The following CDC25B variants were observed in gnomAD, a reference collection of about 807,000 sequenced individuals.
CDC25B encodes the protein cell division cycle 25B, also known as M-phase inducer phosphatase 2.
CDC25B carries 33 observed loss-of-function variants against 69.8 expected under a neutral mutation model. The observed-to-expected ratio is 0.47, with a 90% CI of 0.36 to 0.63. The LOEUF (loss-of-function observed/expected upper bound fraction) is 0.63. Ranked by LOEUF, CDC25B falls within the 30% of genes least tolerant of loss-of-function variation. The pLI, the probability that CDC25B is intolerant of heterozygous loss-of-function variation, is 0.00. For synonymous variants in CDC25B, 341 were observed against 314.6 expected (o/e 1.08, Z -0.89); for missense variants, 727 against 809.1 (o/e 0.90, Z 1.23).
Position 3,803,120 on chromosome 20 carries a change from T to A in CDC25B, c.1270T>A (p.Leu424Met). The change falls in exon 13 of 16, where the codon TTG becomes ATG. Residue 424 changes from leucine to methionine, a missense_variant. Around this residue, in one of 2 missense-constraint regions of CDC25B, gnomAD observed 359 missense variants for 463.4 expected, o/e 0.77. Transcript: ENST00000245960. This position sits in a 1 kb window ranked among gnomAD's most constrained non-coding sequence, Gnocchi z 4.9. ...YISPETMVALLTGKFSNIVDK... is the reference protein window; with the variant it reads ...YISPETMVALMTGKFSNIVDK... The stretch of plus-strand genomic sequence containing the variant: ...TGACCTCCTACAGATGGTGGCCCTA[T>A]TGACGGGCAAGTTCAGCAACATCGT... 1.2e-6 allele frequency: 2 copies of A among 1,613,684 alleles called. No individual in the cohort carries two copies. The highest frequency in any genetic ancestry group is 1.7e-6 in the Non-Finnish European group (2 of 1,179,608).
chr20:3,802,457 G>C, intron 11 of CDC25B, 81 bp downstream of exon 11: 7 of 950,996 alleles, frequency 7.4e-6, no homozygotes, highest in Non-Finnish European at 1.2e-5. Context: ...GGCTGCTTGG[G>C]TTCCTCCCTT....
intron 2 of CDC25B, 94 bp from the exon 3 acceptor site, chr20:3,798,318 T>G (rs920538197): frequency 2.8e-5 from 6 of 214,402 alleles, no homozygotes; most frequent in East Asian, 1.6e-4. Flanking sequence ...AGAAACTGTT[T>G]TTTTTTTTTT....
At chr20:3,800,221 C>T (rs2089226441) in intron 3 of CDC25B, 67 bp from the exon 4 acceptor site, 26 of 1,504,796 alleles carry the variant, frequency 1.7e-5, no homozygotes, top group Non-Finnish European at 2.0e-5. Flanking sequence ...GGACTGGGGG[C>T]CTGGTGCTGG....
chr20:3,800,893 G>A, intron 6 of CDC25B, 28 bp downstream of exon 6: 1 of 1,613,130 alleles, frequency 6.2e-7, no homozygotes, highest in Non-Finnish European at 8.5e-7. Flanking sequence ...CGGGGTGGGA[G>A]CTCTCCGGGA....
chr20:3,799,662 G>T (rs981153004), intron 3 of CDC25B, among the ~76,000 whole-genome samples: 1 of 152,182 alleles, frequency 6.6e-6, no homozygotes, highest in Non-Finnish European at 1.5e-5. Context: ...GGAGGAGGGG[G>T]TGGGACAGAG....
Position 3,802,390 on chromosome 20 carries a change from C to A in CDC25B, c.1194+14C>A. On this transcript the variant is annotated intron_variant, in intron 11 of 15. Transcript: ENST00000245960. ...GATTACTCTAAGGTACCTGCAGCAG[C>A]GAAGGGGGTACCTTGGGGGCTTGAC... The A allele has an allele frequency of 6.3e-7, 1 of 1,580,378 alleles. No individual in the cohort carries two copies.
chr20:3,802,175 G>C, intron 10 of CDC25B, 75 bp downstream of exon 10: 2 of 1,546,746 alleles, frequency 1.3e-6, no homozygotes, highest in Non-Finnish European at 1.8e-6. Flanking sequence ...TTGTGGCAGA[G>C]GGCAGGTGGC....
intron 1 of CDC25B, among the ~76,000 whole-genome samples, chr20:3,797,003 G>C (rs1282994841): frequency 2.0e-5 from 3 of 152,084 alleles, no homozygotes; most frequent in Non-Finnish European, 2.9e-5. Flanking sequence ...CTCCCTCATT[G>C]TGCCTCCACC....
At chr20:3,795,947 A>G, upstream of CDC25B, 1 of 986,894 alleles carries the variant, frequency 1.0e-6, no homozygotes, top group Non-Finnish European at 1.2e-6. Flanking sequence ...TCCGGGAGCC[A>G]GTTGGAGCCT....
At position 3,803,664 on chromosome 20, in the gene CDC25B, C is replaced by A; in HGVS notation, c.1490+127C>A. On this transcript the variant is annotated intron_variant, in intron 14 of 15. Transcript: ENST00000245960. The surrounding 1 kb of genome is among the most constrained non-coding windows in gnomAD (Gnocchi z 4.9). ...GGTCCTCCTCTGTCCCATCTGATGG[C>A]CTAGAGCTGACCTCAGCCCCACTTC... 8.4e-7 allele frequency: 1 copy of A among 1,195,500 alleles called. No individual in the cohort carries two copies. The highest frequency in any genetic ancestry group is 1.2e-6 in the Non-Finnish European group (1 of 844,314). The allele number at this position is 1,195,500 out of a possible 1,614,324, so 74.1% of individuals were successfully genotyped here.
intron 2 of CDC25B, 39 bp downstream of exon 2, chr20:3,797,788 A>G (rs774200913): frequency 6.2e-6 from 10 of 1,609,388 alleles, no homozygotes; most frequent in African/African-American, 2.7e-5. Flanking sequence ...TGCCTGTGTC[A>G]GGAGAGTTTG....
chr20:3,805,669 A>G lies in CDC25B; in HGVS notation c.*708A>G, dbSNP rs1600412384. ...TTTTGTTGCCCCAGAAAGGGATGTT[A>G]TTATCCTTGGGGGCTCCCAGGGCAA... On this transcript the variant is annotated 3_prime_UTR_variant, in exon 16 of 16. Transcript: ENST00000245960. 2 of 401,500 alleles carry G rather than the reference A, an allele frequency of 5.0e-6. No homozygotes were observed. Among genetic ancestry groups the G allele is most frequent in the Admixed American group, 4.4e-5 (1 of 22,736 alleles). The allele number at this position is 401,500 out of a possible 1,614,324, so 24.9% of individuals were successfully genotyped here. A position where few individuals can be genotyped will look rare whatever the true frequency, so the allele number is the denominator to read the frequency against.
Position 3,805,113 on chromosome 20 carries a change from A to G in CDC25B, c.*152A>G. 1 of 750,356 alleles carries G rather than the reference A, an allele frequency of 1.3e-6. No homozygotes were observed. 46.5% of individuals were successfully genotyped at this position (750,356 alleles called of 1,614,324 possible). On this transcript the variant is annotated 3_prime_UTR_variant, in exon 16 of 16. Coordinates refer to ENST00000245960, the MANE Select transcript of CDC25B (RefSeq NM_021873.4). ...GTCCTGCCTGTCTGCCCCAGCCCAG[A>G]TTCCCCTGTGTCATCCCATCATTTT...
chr20:3,800,993 C>T lies in CDC25B; in HGVS notation c.605C>T (p.Pro202Leu). The T allele has an allele frequency of 1.2e-6, 2 of 1,614,034 alleles. No homozygotes were observed. Among genetic ancestry groups the T allele is most frequent in the Non-Finnish European group, 1.7e-6 (2 of 1,179,906 alleles). ...KENDGFVFKM[P>L]WKPTHPSSTH... ...CAGGATGGATTTGTCTTCAAGATGCCATGGAAGCCCACACATCCCAGCTCC... is the reference window on the plus strand; with the variant it reads ...CAGGATGGATTTGTCTTCAAGATGCTATGGAAGCCCACACATCCCAGCTCC... The change falls in exon 7 of 16, where the codon CCA becomes CTA. Residue 202 changes from proline to leucine, a missense_variant. Pro to Leu is a moderately conservative substitution (Grantham distance 98). This residue lies in a region of CDC25B where 368 missense variants were observed against 345.6 expected (regional missense o/e 1.06). Transcript: ENST00000245960.
At chr20:3,801,157 G>A (rs1347404130) in intron 7 of CDC25B, 64 bp downstream of exon 7, 2 of 1,606,920 alleles carry the variant, frequency 1.2e-6, no homozygotes, top group East Asian at 4.5e-5. Flanking sequence ...AGAGGAGGGT[G>A]GCCCTGAACC....
At position 3,804,681 on chromosome 20, in the gene CDC25B, G is replaced by A. The variant is rs2089412793; in HGVS notation, c.1602+1G>A. ...CAAGGAGTTCTTCCCTCAGCACCCGGTAGCGTGGGTGGGGAAGGCCACAGT... is the reference window on the plus strand; with the variant it reads ...CAAGGAGTTCTTCCCTCAGCACCCGATAGCGTGGGTGGGGAAGGCCACAGT... On this transcript the variant is annotated splice_donor_variant, in intron 15 of 15. Coordinates refer to ENST00000245960, the MANE Select transcript of CDC25B (RefSeq NM_021873.4). LOFTEE classifies it high-confidence loss of function. 1 of 1,590,878 alleles carries A rather than the reference G, an allele frequency of 6.3e-7. No individual in the cohort carries two copies. Among genetic ancestry groups the A allele is most frequent in the Non-Finnish European group, 8.6e-7 (1 of 1,164,692 alleles).
chr20:3,792,239 A>C (rs190220859), upstream of CDC25B, among the ~76,000 whole-genome samples: 2 of 150,756 alleles, frequency 1.3e-5, no homozygotes, highest in African/African-American at 5.0e-5. Flanking sequence ...TGCTGTTTGT[A>C]TATTCTTTAA....
At chr20:3,800,534 T>C (rs1461386665) in intron 5 of CDC25B, 36 bp downstream of exon 5, 1 of 1,611,920 alleles carries the variant, frequency 6.2e-7, no homozygotes, top group African/African-American at 1.3e-5. Flanking sequence ...GGCTTAGGCA[T>C]GCTAGCCAGG....
chr20:3,805,205 C>T lies in CDC25B; in HGVS notation c.*244C>T. The T allele has an allele frequency of 1.8e-6, 1 of 551,810 alleles. No individual in the cohort carries two copies. The highest frequency in any genetic ancestry group is 3.2e-6 in the Non-Finnish European group (1 of 308,016). 34.2% of individuals were successfully genotyped at this position (551,810 alleles called of 1,614,324 possible). A position where few individuals can be genotyped will look rare whatever the true frequency, so the allele number is the denominator to read the frequency against. On this transcript the variant is annotated 3_prime_UTR_variant, in exon 16 of 16. Transcript: ENST00000245960. ...TTGAGTTAGTTAAGTTGGGTTAATA[C>T]CAGCTTAAAGGCAGTATTTTGTGTC...
Sources: gnomAD v4.1 joint callset for allele counts (sites outside exome capture counted in the v4.1 genomes callset) on GRCh38, gnomAD v4.1.1 for gene constraint, gnomAD v4.1.1 regional missense constraint, Gnocchi (gnomAD v3.1) non-coding constraint, MANE v1.5 for transcripts, NCBI Gene and HGNC (gene_info 2026-07-23, HGNC 2026-07-21) for gene names.